The following TMEM117 variants were observed in gnomAD, a reference collection of about 807,000 sequenced individuals.
TMEM117 encodes the protein transmembrane protein 117.
A neutral mutation model predicts 52.4 loss-of-function variants in TMEM117; 27 were observed. The observed-to-expected ratio is 0.51, with a 90% CI of 0.38 to 0.71. The LOEUF (loss-of-function observed/expected upper bound fraction) is 0.71. Among genes scored for constraint, TMEM117 ranks in the 30% least tolerant of loss-of-function variants. The pLI is 0.00. For missense variants in TMEM117, 556 were observed against 630.5 expected, an observed-to-expected ratio of 0.88 and a Z score of 1.26; for synonymous variants, 215 against 206.3, an observed-to-expected ratio of 1.04 and a Z score of -0.36.
At chr12:43,917,271 C>G (rs979585522) in intron 2 of TMEM117, among the ~76,000 whole-genome samples, 1 of 150,708 alleles carries the variant, frequency 6.6e-6, no homozygotes, top group Non-Finnish European at 1.5e-5. Flanking sequence ...TGTGGTGGCA[C>G]GAGCCTGTAG....
intron 7 of TMEM117, among the ~76,000 whole-genome samples, chr12:44,377,729 A>G (rs1951962009): frequency 6.6e-6 from 1 of 152,214 alleles, no homozygotes; most frequent in African/African-American, 2.4e-5. Context: ...CACACCTGCT[A>G]TAATAAAATC....
chr12:44,123,085 T>A (rs928077778), intron 3 of TMEM117, among the ~76,000 whole-genome samples: 3 of 152,190 alleles, frequency 2.0e-5, no homozygotes, highest in Admixed American at 6.5e-5. Flanking sequence ...GTTTTTTGAC[T>A]TTTTAGTAAT....
chr12:43,967,496 T>G (rs1392392725), intron 3 of TMEM117, among the ~76,000 whole-genome samples: 6 of 152,020 alleles, frequency 3.9e-5, no homozygotes, highest in Non-Finnish European at 5.9e-5. Context: ...GAGCCCTTAC[T>G]CTGGGGGAAG....
chr12:44,335,853 A>G (rs993915224), intron 6 of TMEM117, among the ~76,000 whole-genome samples: 1 of 152,046 alleles, frequency 6.6e-6, no homozygotes, highest in African/African-American at 2.4e-5. Context: ...TGTCTTATGT[A>G]TGAGCAATCA....
rs201246749 is a variant in TMEM117 at position 44,356,017 on chromosome 12, G to GA, written c.769-20569dup. Among the ~76,000 whole-genome samples, 275 of 149,770 alleles carry GA rather than the reference G, an allele frequency of 1.8e-3. 2 individuals carry two copies. The highest frequency in any genetic ancestry group is 4.2e-3 in the African/African-American group (173 of 40,918). ...GCAGTAGATATCTGTTTAGAGTCAG[G>GA]AAAAAAAAAGAAAAAAAGGCAGATG... On this transcript the variant is annotated intron_variant, in intron 6 of 7. Transcript: ENST00000266534.
At chr12:44,228,276 G>A (rs1949888676) in intron 5 of TMEM117, among the ~76,000 whole-genome samples, 1 of 151,964 alleles carries the variant, frequency 6.6e-6, no homozygotes, top group Non-Finnish European at 1.5e-5. Context: ...GAACTATAAA[G>A]GAAACAGAGG....
chr12:44,145,337 A>G (rs963928272), intron 4 of TMEM117, among the ~76,000 whole-genome samples: 2 of 152,174 alleles, frequency 1.3e-5, no homozygotes, highest in African/African-American at 4.8e-5. Context: ...GCTTAATAAG[A>G]TGGAAAAGAT....
intron 4 of TMEM117, among the ~76,000 whole-genome samples, chr12:44,156,495 G>A (rs1948827534): frequency 6.6e-6 from 1 of 152,054 alleles, no homozygotes; most frequent in Non-Finnish European, 1.5e-5. Flanking sequence ...ACTGATGCCT[G>A]TGTCTCACTC....
intron 3 of TMEM117, among the ~76,000 whole-genome samples, chr12:44,046,569 GA>G (rs531357504): frequency 1.1e-4 from 16 of 152,068 alleles, no homozygotes; most frequent in Non-Finnish European, 2.4e-4. Context: ...CTTCACCAGG[GA>G]AAAAAACCAC....
intron 3 of TMEM117, among the ~76,000 whole-genome samples, chr12:43,948,210 T>G (rs915201022): frequency 6.6e-6 from 1 of 152,160 alleles, no homozygotes; most frequent in Non-Finnish European, 1.5e-5. Flanking sequence ...ACAATCCATA[T>G]TTGTAGCACC....
intron 5 of TMEM117, among the ~76,000 whole-genome samples, chr12:44,223,481 G>C (rs1186073190): frequency 6.7e-6 from 1 of 149,546 alleles, no homozygotes; most frequent in Non-Finnish European, 1.5e-5. Context: ...TCATCATTTG[G>C]AACTAGATCC....
intron 5 of TMEM117, among the ~76,000 whole-genome samples, chr12:44,295,349 G>A (rs1455379221): frequency 5.9e-5 from 9 of 151,968 alleles, no homozygotes; most frequent in Admixed American, 1.3e-4. Flanking sequence ...GACTGCAGGC[G>A]CAGGCCACTA....
At chr12:44,303,239 G>A (rs1316721108) in intron 6 of TMEM117, among the ~76,000 whole-genome samples, 2 of 151,802 alleles carry the variant, frequency 1.3e-5, no homozygotes, top group African/African-American at 2.4e-5. Flanking sequence ...AGTAGAGATG[G>A]GGTTTCTCTA....
intron 2 of TMEM117, among the ~76,000 whole-genome samples, chr12:43,928,988 C>T (rs1944828322): frequency 6.6e-6 from 1 of 151,668 alleles, no homozygotes. Flanking sequence ...TTAATCCAGT[C>T]TATCATTGTT....
At chr12:43,920,329 C>T (rs192458486) in intron 2 of TMEM117, among the ~76,000 whole-genome samples, 1 of 152,142 alleles carries the variant, frequency 6.6e-6, no homozygotes, top group African/African-American at 2.4e-5. Flanking sequence ...ATCAAGACCA[C>T]GGTGAAACCC....
intron 3 of TMEM117, among the ~76,000 whole-genome samples, chr12:44,095,712 G>C (rs573437285): frequency 6.6e-6 from 1 of 152,178 alleles, no homozygotes; most frequent in South Asian, 2.1e-4. Context: ...AGATACAATA[G>C]CTTCCAAATC....
chr12:43,872,492 A>C (rs542575740), intron 2 of TMEM117, among the ~76,000 whole-genome samples: 4 of 152,206 alleles, frequency 2.6e-5, no homozygotes, highest in African/African-American at 9.7e-5. Flanking sequence ...TTGGGCATCT[A>C]ATTTGCTCAT....
chr12:43,987,802 T>C (rs1255702059), intron 3 of TMEM117, among the ~76,000 whole-genome samples: 3 of 152,182 alleles, frequency 2.0e-5, no homozygotes, highest in Non-Finnish European at 4.4e-5. Flanking sequence ...TGATTCAGTG[T>C]TATTGATTTC....
chr12:44,127,630 C>T (rs1348044392), intron 3 of TMEM117, among the ~76,000 whole-genome samples: 1 of 151,580 alleles, frequency 6.6e-6, no homozygotes, highest in African/African-American at 2.4e-5. Flanking sequence ...GAGCTGAGAT[C>T]GTGCCATTGC....
Sources: gnomAD v4.1 joint callset for allele counts (sites outside exome capture counted in the v4.1 genomes callset) on GRCh38, gnomAD v4.1.1 for gene constraint, MANE v1.5 for transcripts, NCBI Gene and HGNC (gene_info 2026-07-23, HGNC 2026-07-21) for gene names.